The following DOCK1 variants were observed in gnomAD, a reference collection of about 807,000 sequenced individuals.
The protein encoded by DOCK1 is dedicator of cytokinesis protein 1.
A neutral mutation model predicts 262.7 loss-of-function variants in DOCK1; 138 were observed. The observed-to-expected ratio is 0.53, with a 90% confidence interval of 0.46 to 0.61. The LOEUF is 0.61. DOCK1 is among the 20% of genes least tolerant of loss of function. DOCK1 has a pLI of 0.00. For synonymous variants in DOCK1, 866 were observed against 867.4 expected (o/e 1.00, Z 0.03); for missense variants, 1,908 against 2,370.7 (o/e 0.80, Z 4.05).
intron 1 of DOCK1, among the ~76,000 whole-genome samples, chr10:126,941,641 G>C (rs1237885352): frequency 6.6e-6 from 1 of 150,926 alleles, no homozygotes; most frequent in Non-Finnish European, 1.5e-5. Context: ...CTGTAGTCCC[G>C]CTACTCGGGA....
chr10:127,273,805 C>G (rs897683175), intron 29 of DOCK1, among the ~76,000 whole-genome samples: 2 of 151,712 alleles, frequency 1.3e-5, no homozygotes, highest in Middle Eastern at 6.8e-3. Context: ...TTGCTTCAAC[C>G]TGGGTCGCAG....
At chr10:127,256,425 C>G (rs190015026) in intron 28 of DOCK1, among the ~76,000 whole-genome samples, 4 of 152,054 alleles carry the variant, frequency 2.6e-5, no homozygotes, top group Admixed American at 2.6e-4. Context: ...TTTGGCAATC[C>G]CTGACCATGG....
chr10:126,951,688 G>T (rs1166575444), intron 1 of DOCK1, among the ~76,000 whole-genome samples: 3 of 151,788 alleles, frequency 2.0e-5, no homozygotes, highest in Non-Finnish European at 4.4e-5. Context: ...TATTGTTGTT[G>T]GTATTACTAG....
chr10:127,360,079 GA>G (rs2064338325), intron 32 of DOCK1, among the ~76,000 whole-genome samples: 1 of 152,140 alleles, frequency 6.6e-6, no homozygotes. Flanking sequence ...TTTTTGATAG[GA>G]CCTGCCTCTG....
intron 29 of DOCK1, among the ~76,000 whole-genome samples, chr10:127,324,852 A>T (rs2062690021): frequency 1.3e-5 from 2 of 152,206 alleles, no homozygotes; most frequent in Non-Finnish European, 2.9e-5. Flanking sequence ...TTGATAAATG[A>T]TTCATCAGAA....
At chr10:127,438,469 C>T (rs2069846535) in intron 48 of DOCK1, among the ~76,000 whole-genome samples, 3 of 152,188 alleles carry the variant, frequency 2.0e-5, no homozygotes, top group Non-Finnish European at 4.4e-5. Context: ...TGCAGGTCTT[C>T]TGTCTCCAGC....
At chr10:127,202,051 G>A (rs1325466480) in intron 27 of DOCK1, among the ~76,000 whole-genome samples, 2 of 152,238 alleles carry the variant, frequency 1.3e-5, no homozygotes, top group East Asian at 3.9e-4. Flanking sequence ...AGCCAGGCAC[G>A]GTGGCTTATG....
intron 11 of DOCK1, among the ~76,000 whole-genome samples, chr10:127,009,159 T>C (rs1465040468): frequency 6.6e-6 from 1 of 152,222 alleles, no homozygotes; most frequent in Non-Finnish European, 1.5e-5. Context: ...AAATTCATCA[T>C]AGGAGGTTGC....
At chr10:127,174,078 G>C (rs932819600) in intron 27 of DOCK1, among the ~76,000 whole-genome samples, 1 of 152,212 alleles carries the variant, frequency 6.6e-6, no homozygotes, top group Non-Finnish European at 1.5e-5. Flanking sequence ...TCAGCAAACT[G>C]TCTAACTCAG....
At chr10:126,932,035 G>GA (rs1264687941) in intron 1 of DOCK1, among the ~76,000 whole-genome samples, 2 of 152,176 alleles carry the variant, frequency 1.3e-5, no homozygotes, top group Non-Finnish European at 2.9e-5. Context: ...TATTGATGGA[G>GA]ACGCTGATGA....
At chr10:126,990,640 A>C (rs754046061) in intron 6 of DOCK1, 37 bp downstream of exon 6, 1 of 1,605,022 alleles carries the variant, frequency 6.2e-7, no homozygotes, top group Admixed American at 1.7e-5. Flanking sequence ...CGCTTAAATT[A>C]TCCAATGTAA....
intron 32 of DOCK1, among the ~76,000 whole-genome samples, chr10:127,356,431 A>G (rs1005552903): frequency 6.6e-6 from 1 of 152,170 alleles, no homozygotes. Flanking sequence ...ATATACGATG[A>G]TCTCAGTAAT....
intron 16 of DOCK1, among the ~76,000 whole-genome samples, chr10:127,027,490 G>A (rs994804523): frequency 2.0e-5 from 3 of 152,170 alleles, no homozygotes; most frequent in African/African-American, 7.2e-5. Context: ...GGAGGCTGAG[G>A]CAGGAGGATT....
chr10:126,963,615 C>T (rs1464376901), intron 1 of DOCK1, among the ~76,000 whole-genome samples: 1 of 73,684 alleles, frequency 1.4e-5, no homozygotes, highest in African/African-American at 6.7e-5. Flanking sequence ...CTTCCCTTCC[C>T]TTCCCTTCCC....
intron 1 of DOCK1, among the ~76,000 whole-genome samples, chr10:126,951,852 AT>A (rs1184702030): frequency 1.3e-3 from 183 of 142,564 alleles, no homozygotes; most frequent in African/African-American, 1.8e-3. Flanking sequence ...CAGCCTCTTC[AT>A]TTTTTTTTTT....
At chr10:127,054,571 T>C (rs1282605724) in intron 22 of DOCK1, among the ~76,000 whole-genome samples, 1 of 152,214 alleles carries the variant, frequency 6.6e-6, no homozygotes, top group Non-Finnish European at 1.5e-5. Flanking sequence ...GGTTATGTTT[T>C]CTTGTATTTT....
At chr10:127,060,083 T>G (rs1227591012) in intron 22 of DOCK1, among the ~76,000 whole-genome samples, 4 of 151,106 alleles carry the variant, frequency 2.6e-5, no homozygotes, top group Non-Finnish European at 5.9e-5. Context: ...TCGGCTCTGT[T>G]ACCTGGGGAC....
chr10:127,408,793 C>T (rs2067671022), intron 40 of DOCK1, among the ~76,000 whole-genome samples: 1 of 152,138 alleles, frequency 6.6e-6, no homozygotes, highest in Non-Finnish European at 1.5e-5. Context: ...AAACATATCA[C>T]AGATGTTAGT....
chr10:126,981,948 AAAG>A lies in DOCK1; in HGVS notation c.206_208del (p.Glu69del). Reference sequence around the variant, plus strand: ...ATTTCCTGCTTCATATATTCATCTTAAAGAAGCGATAGTTGAAGGAAAAGGGTG... The same window carrying A: ...ATTTCCTGCTTCATATATTCATCTTAAAGCGATAGTTGAAGGAAAAGGGTG... On this transcript the variant is annotated inframe_deletion, in exon 4 of 52. Coordinates refer to ENST00000623213, the MANE Select transcript of DOCK1 (RefSeq NM_001290223.2). 6.2e-7 allele frequency: 1 copy of A among 1,613,472 alleles called. No individual in the cohort carries two copies.
Sources: gnomAD v4.1 joint callset for allele counts (sites outside exome capture counted in the v4.1 genomes callset) on GRCh38, gnomAD v4.1.1 for gene constraint, MANE v1.5 for transcripts, NCBI Gene and HGNC (gene_info 2026-07-23, HGNC 2026-07-21) for gene names.